Variants in SNAP23 observed in about 807,000 individuals in gnomAD.
The protein encoded by SNAP23 is synaptosomal-associated protein 23.
SNAP23 carries 11 observed loss-of-function variants against 29.0 expected under a neutral mutation model. The observed-to-expected ratio is 0.38, with a 90% CI of 0.24 to 0.63. SNAP23 has a LOEUF of 0.63. Among genes scored for constraint, SNAP23 ranks in the 20% least tolerant of loss-of-function variants. SNAP23 has a pLI of 0.58. For missense variants in SNAP23, 220 were observed against 253.9 expected (o/e 0.87, Z 0.91); for synonymous variants, 60 against 82.9 (o/e 0.72, Z 1.50).
intron 6 of SNAP23, among the ~76,000 whole-genome samples, chr15:42,529,117 A>G (rs2057537025): frequency 6.6e-6 from 1 of 152,202 alleles, no homozygotes; most frequent in South Asian, 2.1e-4. Context: ...AGTCCCTTGC[A>G]ATTACTCAAC....
upstream of SNAP23, chr15:42,492,822 A>G (rs1328914888): frequency 1.3e-5 from 2 of 152,206 alleles, no homozygotes; most frequent in African/African-American, 2.4e-5. Flanking sequence ...GAAACACTCA[A>G]GGGTTGTGGT....
At chr15:42,512,711 A>C (rs1046425837) in intron 2 of SNAP23, among the ~76,000 whole-genome samples, 1 of 151,152 alleles carries the variant, frequency 6.6e-6, no homozygotes, top group African/African-American at 2.4e-5. Flanking sequence ...TAGGCTGGCA[A>C]TTCTTTTTGT....
At chr15:42,498,913 T>C (rs1019380319) in intron 1 of SNAP23, among the ~76,000 whole-genome samples, 5 of 152,204 alleles carry the variant, frequency 3.3e-5, no homozygotes, top group African/African-American at 1.2e-4. Flanking sequence ...AGTATGTGTT[T>C]ATGCACTAGA....
Position 42,531,401 on chromosome 15 carries a change from C to A in SNAP23, c.571-12C>A, listed in dbSNP as rs767647710. The A allele has an allele frequency of 6.5e-7, 1 of 1,528,128 alleles. No individual in the cohort carries two copies. Among genetic ancestry groups the A allele is most frequent in the East Asian group, 2.4e-5 (1 of 41,238 alleles). 94.7% of individuals were successfully genotyped at this position (1,528,128 alleles called of 1,614,324 possible). On this transcript the variant is annotated splice_polypyrimidine_tract_variant and intron_variant, in intron 7 of 7. Coordinates refer to ENST00000249647, the MANE Select transcript of SNAP23 (RefSeq NM_003825.4). ...CTTACCTTGTAAAGCTGATATCTTTCTTGTTTTTCAGGCTGACACCAACAG... is the reference window on the plus strand; with the variant it reads ...CTTACCTTGTAAAGCTGATATCTTTATTGTTTTTCAGGCTGACACCAACAG...
intron 5 of SNAP23, among the ~76,000 whole-genome samples, chr15:42,524,719 A>G (rs1334847519): frequency 6.6e-6 from 1 of 152,240 alleles, no homozygotes; most frequent in African/African-American, 2.4e-5. Context: ...TCAAGTTTGG[A>G]AGGTATTACC....
At chr15:42,512,904 A>ATT in intron 2 of SNAP23, 51 bp from the exon 3 acceptor site, 1 of 1,411,924 alleles carries the variant, frequency 7.1e-7, no homozygotes, top group Non-Finnish European at 1.0e-6. Context: ...CTGTGATCAG[A>ATT]TTTTTTTTTC....
Position 42,517,363 on chromosome 15 carries a change from A to G in SNAP23, c.266+2009A>G, listed in dbSNP as rs188042594. Among the ~76,000 whole-genome samples the G allele has an allele frequency of 3.1e-4, 47 of 152,324 alleles. No homozygotes were observed. The East Asian group carries it at 8.9e-3, about 29-fold the overall frequency. On this transcript the variant is annotated intron_variant, in intron 5 of 7. Transcript: ENST00000249647. ...TAATTGTACCTTTCTCTTGTGTTCC[A>G]TGTACCTTCTTGGAAGAGTACAGAA...
At position 42,499,256 on chromosome 15, in the gene SNAP23, C is replaced by T. The variant is rs187304484; in HGVS notation, c.-15+3543C>T. ...GCTAATTTTATATTTTTAGTAGAGACGGACGGGGTTTCTCCATGTTAGTGA... is the reference window on the plus strand; with the variant it reads ...GCTAATTTTATATTTTTAGTAGAGATGGACGGGGTTTCTCCATGTTAGTGA... On this transcript the variant is annotated intron_variant, in intron 1 of 7. Coordinates refer to ENST00000249647, the MANE Select transcript of SNAP23 (RefSeq NM_003825.4). Among the ~76,000 whole-genome samples, 947 of 152,116 alleles carry T rather than the reference C, an allele frequency of 6.2e-3. 27 individuals carry two copies. Among genetic ancestry groups the T allele is most frequent in the Non-Finnish European group, 3.7e-3 (253 of 67,994 alleles).
chr15:42,498,310 C>T (rs796870962), intron 1 of SNAP23, among the ~76,000 whole-genome samples: 2 of 152,314 alleles, frequency 1.3e-5, no homozygotes, highest in African/African-American at 4.8e-5. Flanking sequence ...CAGACTTTGG[C>T]CTGGACATCC....
chr15:42,491,421 C>T (rs1311976689), upstream of SNAP23: 3 of 152,300 alleles, frequency 2.0e-5, no homozygotes, highest in Non-Finnish European at 4.4e-5. Context: ...CCGCCATTTC[C>T]TTTAGTCAGT....
At chr15:42,513,120 G>C in intron 3 of SNAP23, 124 bp downstream of exon 3, 1 of 830,868 alleles carries the variant, frequency 1.2e-6, no homozygotes, top group Non-Finnish European at 2.0e-6. Flanking sequence ...ATTAACAGTT[G>C]CTGAAATGTC....
At chr15:42,517,111 G>C (rs1179482707) in intron 5 of SNAP23, among the ~76,000 whole-genome samples, 2 of 152,124 alleles carry the variant, frequency 1.3e-5, no homozygotes, top group East Asian at 1.9e-4. Context: ...GTAGAGACAG[G>C]GTTTCGCCGT....
Position 42,526,090 on chromosome 15 carries a change from T to A in SNAP23, c.267-2172T>A, listed in dbSNP as rs562429716. Among the ~76,000 whole-genome samples, 27 of 152,324 alleles carry A rather than the reference T, an allele frequency of 1.8e-4. No individual in the cohort carries two copies. In the South Asian group the frequency reaches 5.6e-3, roughly 32 times the overall value. ...TACTTTGGAATTTCAACCTTCTCTC[T>A]TGCACCTGTTCCACAATCCGAAATT... On this transcript the variant is annotated intron_variant, in intron 5 of 7. Coordinates refer to ENST00000249647, the MANE Select transcript of SNAP23 (RefSeq NM_003825.4).
intron 5 of SNAP23, 124 bp from the exon 6 acceptor site, chr15:42,528,134 TAGAC>T: frequency 1.8e-5 from 11 of 610,026 alleles, no homozygotes; most frequent in South Asian, 7.7e-5. Context: ...GTAGATCATC[TAGAC>T]TTAGCTGTAT....
At position 42,531,533 on chromosome 15, in the gene SNAP23, G is replaced by A. The variant is rs1187546994; in HGVS notation, c.*55G>A. The stretch of plus-strand genomic sequence containing the variant: ...TCACTTCCGTAGCTCCTCCTTGAAA[G>A]TTATTACCTTTTCAGAGTTTAAGTT... On this transcript the variant is annotated 3_prime_UTR_variant, in exon 8 of 8. Coordinates refer to ENST00000249647, the MANE Select transcript of SNAP23 (RefSeq NM_003825.4). 2 of 1,361,156 alleles carry A rather than the reference G, an allele frequency of 1.5e-6. No individual in the cohort carries two copies. Among genetic ancestry groups the A allele is most frequent in the Non-Finnish European group, 2.1e-6 (2 of 974,628 alleles). 84.3% of individuals were successfully genotyped at this position (1,361,156 alleles called of 1,614,324 possible).
chr15:42,512,058 T>G, intron 2 of SNAP23, 155 bp downstream of exon 2: 1 of 410,100 alleles, frequency 2.4e-6, no homozygotes, highest in Non-Finnish European at 4.4e-6. Context: ...TTTTATTTTC[T>G]TTTTAACTCA....
upstream of SNAP23, chr15:42,492,897 T>A (rs1250420088): frequency 6.6e-6 from 1 of 152,206 alleles, no homozygotes; most frequent in African/African-American, 2.4e-5. Context: ...CTATAAACTC[T>A]GGGCCATCAT....
chr15:42,526,278 T>C (rs1464469004), intron 5 of SNAP23, among the ~76,000 whole-genome samples: 1 of 152,224 alleles, frequency 6.6e-6, no homozygotes, highest in African/African-American at 2.4e-5. Context: ...TGAATATTTA[T>C]TTTAAAAATA....
In SNAP23 at chr15:42,511,830, T is replaced by C. The variant is rs2057360202; in HGVS notation, c.-14-3T>C. 1.3e-6 allele frequency: 2 copies of C among 1,563,212 alleles called. No homozygotes were observed. Among genetic ancestry groups the C allele is most frequent in the Non-Finnish European group, 1.7e-6 (2 of 1,147,282 alleles). ...TCCACATTTCCATTTCTGTGCCTAATAGAGTTTTGATTCATCATGGATAAT... is the reference window on the plus strand; with the variant it reads ...TCCACATTTCCATTTCTGTGCCTAACAGAGTTTTGATTCATCATGGATAAT... On this transcript the variant is annotated splice_region_variant and splice_polypyrimidine_tract_variant and intron_variant, in intron 1 of 7. Coordinates refer to ENST00000249647, the MANE Select transcript of SNAP23 (RefSeq NM_003825.4).
Sources: gnomAD v4.1 joint callset for allele counts (sites outside exome capture counted in the v4.1 genomes callset) on GRCh38, gnomAD v4.1.1 for gene constraint, MANE v1.5 for transcripts, NCBI Gene and HGNC (gene_info 2026-07-23, HGNC 2026-07-21) for gene names.